The following RNF216 variants were observed in gnomAD, a reference collection of about 807,000 sequenced individuals.
RNF216 encodes the protein ring finger protein 216, also known as E3 ubiquitin-protein ligase RNF216.
A neutral mutation model predicts 110.8 loss-of-function variants in RNF216; 72 were observed. That is an observed-to-expected ratio of 0.65 (90% CI 0.54 to 0.79). RNF216 has a LOEUF of 0.79. Ranked by LOEUF, RNF216 falls within the 30% of genes least tolerant of loss-of-function variation. RNF216 has a pLI of 0.00. For synonymous variants in RNF216, 495 were observed against 407.5 expected, an observed-to-expected ratio of 1.21 and a Z score of -2.59; for missense variants, 1,342 against 1,141.2, an observed-to-expected ratio of 1.18 and a Z score of -2.54.
At chr7:5,759,324 G>A (rs1367196267) in intron 2 of RNF216, among the ~76,000 whole-genome samples, 1 of 152,028 alleles carries the variant, frequency 6.6e-6, no homozygotes, top group Non-Finnish European at 1.5e-5. Flanking sequence ...TACAGCCAGT[G>A]GAGAACGAAC....
At position 5,624,048 on chromosome 7, in the gene RNF216, G is replaced by A. The variant is rs1013129237; in HGVS notation, c.2452+8C>T. ...CTCTGTCCTGGGGGCCTGGGGAGGG[G>A]CACTTGCCTCCATTCTTTCTTTTCT... On this transcript the variant is annotated splice_region_variant and intron_variant, in intron 16 of 16. Transcript: ENST00000389902. The surrounding 1 kb of genome is among the most constrained non-coding windows in gnomAD (Gnocchi z 4.4). 16 of 1,611,918 alleles carry A rather than the reference G, an allele frequency of 9.9e-6. No homozygotes were observed. Among genetic ancestry groups the A allele is most frequent in the Non-Finnish European group, 1.4e-5 (16 of 1,179,058 alleles).
intron 13 of RNF216, among the ~76,000 whole-genome samples, chr7:5,703,511 T>C (rs533050242): frequency 1.4e-4 from 22 of 152,358 alleles, no homozygotes; most frequent in African/African-American, 5.3e-4. Flanking sequence ...ACAAACTGGT[T>C]CACTGCAGAT....
rs763501382 is a variant in RNF216, at chr7:5,729,502, T to A, written c.1319A>T (p.Lys440Ile). The A allele has an allele frequency of 1.2e-6, 2 of 1,614,178 alleles. No individual in the cohort carries two copies. The highest frequency in any genetic ancestry group is 1.7e-6 in the Non-Finnish European group (2 of 1,180,038). ...CTTGATGTCCTGACTACTGAGCACTTTGAAGTCGGCCATGAGGAGGTCAGC... is the reference window on the plus strand; with the variant it reads ...CTTGATGTCCTGACTACTGAGCACTATGAAGTCGGCCATGAGGAGGTCAGC... ...QAADLLMADF[K>I]VLSSQDIKWA... The change falls in exon 7 of 17, where the codon AAA becomes ATA. Residue 440 changes from lysine to isoleucine, a missense_variant. Coordinates refer to ENST00000389902, the MANE Select transcript of RNF216 (RefSeq NM_207111.4).
chr7:5,685,645 C>T (rs1231095349), intron 13 of RNF216, among the ~76,000 whole-genome samples: 1 of 152,182 alleles, frequency 6.6e-6, no homozygotes, highest in African/African-American at 2.4e-5. Flanking sequence ...GGAAGTAAAA[C>T]ACCAGAAGCC....
Position 5,648,681 on chromosome 7 carries a change from T to C in RNF216, c.2159+3732A>G, listed in dbSNP as rs1183766433. On this transcript the variant is annotated intron_variant, in intron 14 of 16. Coordinates refer to ENST00000389902, the MANE Select transcript of RNF216 (RefSeq NM_207111.4). ...AGGCAGAGCTTGCAGTGAGCCGAGA[T>C]AGCGCCACTGCATTCCAGCCTGGGT... 8.1e-5 allele frequency among the ~76,000 whole-genome samples: 12 copies of C among 147,904 alleles called. 1 individual carries two copies. In the South Asian group the frequency reaches 2.1e-3, roughly 26 times the overall value.
At chr7:5,746,891 G>A (rs919147999) in intron 3 of RNF216, among the ~76,000 whole-genome samples, 2 of 152,134 alleles carry the variant, frequency 1.3e-5, no homozygotes, top group Admixed American at 6.6e-5. Flanking sequence ...CAAATTACAC[G>A]GAGAGAACGA....
chr7:5,687,471 G>A (rs1365666667), intron 13 of RNF216, among the ~76,000 whole-genome samples: 2 of 150,478 alleles, frequency 1.3e-5, no homozygotes, highest in Non-Finnish European at 3.0e-5. Flanking sequence ...GGGATTTTCA[G>A]AAACCAAAGA....
chr7:5,781,404 G>A (rs868665569), intron 1 of RNF216, 137 bp downstream of exon 1: 2 of 145,776 alleles, frequency 1.4e-5, no homozygotes, highest in African/African-American at 2.6e-5. Flanking sequence ...CTCGGCCCGC[G>A]CCCCTCAGCT....
At chr7:5,686,631 T>C (rs190863776) in intron 13 of RNF216, among the ~76,000 whole-genome samples, 1 of 152,348 alleles carries the variant, frequency 6.6e-6, no homozygotes, top group East Asian at 1.9e-4. Context: ...ACTATTTCTT[T>C]AAATACATGT....
chr7:5,692,644 T>C (rs1384832910), intron 13 of RNF216, among the ~76,000 whole-genome samples: 7 of 152,160 alleles, frequency 4.6e-5, no homozygotes, highest in African/African-American at 1.7e-4. Context: ...CAAAACGCCA[T>C]CCCTCGCCTC....
chr7:5,698,170 G>A (rs982931134), intron 13 of RNF216, among the ~76,000 whole-genome samples: 4 of 152,036 alleles, frequency 2.6e-5, no homozygotes, highest in Admixed American at 6.6e-5. Context: ...TAAAATCCTC[G>A]GTTTTCTAGA....
intron 5 of RNF216, among the ~76,000 whole-genome samples, chr7:5,732,484 C>T (rs1201590137): frequency 2.0e-5 from 3 of 152,084 alleles, no homozygotes; most frequent in South Asian, 2.1e-4. Context: ...TTCATCTCTC[C>T]CCAATTCATT....
chr7:5,664,185 G>GT (rs1355044902), intron 13 of RNF216, among the ~76,000 whole-genome samples: 8 of 152,292 alleles, frequency 5.3e-5, no homozygotes, highest in Non-Finnish European at 1.2e-4. Context: ...CAAAAAAAGC[G>GT]TATCTATCTC....
In RNF216 at chr7:5,734,978, C is replaced by T. The variant is rs183373363; in HGVS notation, c.1122-4161G>A. On this transcript the variant is annotated intron_variant, in intron 5 of 16. Transcript: ENST00000389902. ...CCAGCCTGGCCAACATGGTGAAACC[C>T]TATCTCTACTAAAAATACAAAAACT... Among the ~76,000 whole-genome samples, 956 of 151,734 alleles carry T rather than the reference C, an allele frequency of 6.3e-3. 2 individuals are homozygous for T. Among genetic ancestry groups the T allele is most frequent in the Middle Eastern group, 0.02 (6 of 294 alleles).
At chr7:5,733,238 G>A (rs889344433) in intron 5 of RNF216, 3 of 152,214 alleles carry the variant, frequency 2.0e-5, no homozygotes, top group Admixed American at 6.5e-5. Flanking sequence ...GCAATACAAT[G>A]ACTGTACATT....
intron 3 of RNF216, among the ~76,000 whole-genome samples, chr7:5,742,058 T>C (rs1794788657): frequency 6.6e-6 from 1 of 152,250 alleles, no homozygotes; most frequent in Non-Finnish European, 1.5e-5. Context: ...AATTTATTTT[T>C]ATTTTTGAGA....
rs1232594107 is a variant in RNF216 at position 5,684,090 on chromosome 7, CCTTCT to C, written c.2061+27666_2061+27670del. On this transcript the variant is annotated intron_variant, in intron 13 of 16. Transcript: ENST00000389902. Reference sequence around the variant, plus strand: ...GGGACCAGTGTTTCCACAAGCTGGGCCTTCTTTTTTTTTTTTTTTTTTTTTTTTTT... The same window carrying C: ...GGGACCAGTGTTTCCACAAGCTGGGCTTTTTTTTTTTTTTTTTTTTTTTTT... Among the ~76,000 whole-genome samples, 12 of 134,760 alleles carry C rather than the reference CCTTCT, an allele frequency of 8.9e-5. No individual in the cohort carries two copies. In the East Asian group the frequency reaches 1.7e-3, roughly 19 times the overall value. 88.4% of individuals were successfully genotyped at this position (134,760 alleles called of 152,430 possible).
chr7:5,727,219 C>T (rs1200065086), intron 7 of RNF216, among the ~76,000 whole-genome samples: 1 of 152,188 alleles, frequency 6.6e-6, no homozygotes, highest in Non-Finnish European at 1.5e-5. Context: ...TCTTTCAATG[C>T]CAGCCCCTCT....
At position 5,711,849 on chromosome 7, in the gene RNF216, G is replaced by A. The variant is rs1273423032; in HGVS notation, c.1983-10C>T. 6 of 1,611,806 alleles carry A rather than the reference G, an allele frequency of 3.7e-6. No individual in the cohort carries two copies. Among genetic ancestry groups the A allele is most frequent in the Middle Eastern group, 1.7e-4 (1 of 6,060 alleles). ...GCTACAGGACGGGCACCTAGAGTCAGAACAGCAGAACTGACATTACTTCAA... is the reference window on the plus strand; with the variant it reads ...GCTACAGGACGGGCACCTAGAGTCAAAACAGCAGAACTGACATTACTTCAA... On this transcript the variant is annotated splice_polypyrimidine_tract_variant and intron_variant, in intron 12 of 16. Coordinates refer to ENST00000389902, the MANE Select transcript of RNF216 (RefSeq NM_207111.4).
Sources: gnomAD v4.1 joint callset for allele counts (sites outside exome capture counted in the v4.1 genomes callset) on GRCh38, gnomAD v4.1.1 for gene constraint, Gnocchi (gnomAD v3.1) non-coding constraint, MANE v1.5 for transcripts, NCBI Gene and HGNC (gene_info 2026-07-23, HGNC 2026-07-21) for gene names.